Variants in CUL5 observed in about 807,000 individuals in gnomAD.
CUL5 encodes cullin 5.
A neutral mutation model predicts 108.8 loss-of-function variants in CUL5; 26 were observed. The observed-to-expected ratio is 0.24, with a 90% CI of 0.18 to 0.33. The LOEUF (loss-of-function observed/expected upper bound fraction) is 0.33. CUL5 is among the 10% of genes least tolerant of loss of function. CUL5 has a pLI of 1.00. For missense variants in CUL5, 524 were observed against 909.2 expected (o/e 0.58, Z 5.45); for synonymous variants, 334 against 298.0 (o/e 1.12, Z -1.25).
chr11:108,094,793 C>A lies in CUL5; in HGVS notation c.1568-19C>A. On this transcript the variant is annotated intron_variant, in intron 14 of 18. Coordinates refer to ENST00000393094, the MANE Select transcript of CUL5 (RefSeq NM_003478.6). Reference sequence around the variant, plus strand: ...TCCATTGTTAATTTACTTTATATTCCTGATATTCTTCTCTATAGCTGATTC... The same window carrying A: ...TCCATTGTTAATTTACTTTATATTCATGATATTCTTCTCTATAGCTGATTC... 6.6e-7 allele frequency: 1 copy of A among 1,515,678 alleles called. No homozygotes were observed. Among genetic ancestry groups the A allele is most frequent in the Non-Finnish European group, 8.9e-7 (1 of 1,127,528 alleles). The allele number at this position is 1,515,678 out of a possible 1,614,324, so 93.9% of individuals were successfully genotyped here.
chr11:108,022,427 C>T (rs953220715), intron 1 of CUL5, among the ~76,000 whole-genome samples: 2 of 152,124 alleles, frequency 1.3e-5, no homozygotes, highest in Non-Finnish European at 2.9e-5. Flanking sequence ...TATATATCTG[C>T]TCCTTTACTC....
chr11:108,095,475 T>G (rs189261929), intron 15 of CUL5, 55 bp from the exon 16 acceptor site: 2 of 1,208,632 alleles, frequency 1.7e-6, no homozygotes, highest in Non-Finnish European at 2.3e-6. Context: ...GTCATAGATA[T>G]TAAGAGAGAA....
At chr11:108,029,244 G>A (rs995037821) in intron 1 of CUL5, among the ~76,000 whole-genome samples, 32 of 152,178 alleles carry the variant, frequency 2.1e-4, no homozygotes, top group African/African-American at 7.5e-4. Context: ...TCAACTCCCT[G>A]TTGGCTTCCC....
At chr11:108,025,024 T>G (rs111730771) in intron 1 of CUL5, among the ~76,000 whole-genome samples, 1 of 152,218 alleles carries the variant, frequency 6.6e-6, no homozygotes, top group Non-Finnish European at 1.5e-5. Context: ...ATCTGTGGTT[T>G]ATAGTTTTTA....
chr11:108,037,667 G>T (rs146077067), intron 2 of CUL5, among the ~76,000 whole-genome samples: 23 of 152,244 alleles, frequency 1.5e-4, no homozygotes, highest in East Asian at 1.2e-3. Context: ...GCTAATTAGG[G>T]GCTCAGCACC....
At chr11:108,060,945 T>C (rs1208025023) in intron 7 of CUL5, among the ~76,000 whole-genome samples, 1 of 152,178 alleles carries the variant, frequency 6.6e-6, no homozygotes, top group African/African-American at 2.4e-5. Flanking sequence ...CTGCTGTGTT[T>C]TATAGCAGGC....
In CUL5 at chr11:108,085,849, A is replaced by G. The variant is rs1864209038; in HGVS notation, c.1179-2678A>G. On this transcript the variant is annotated intron_variant, in intron 11 of 18. Coordinates refer to ENST00000393094, the MANE Select transcript of CUL5 (RefSeq NM_003478.6). The stretch of plus-strand genomic sequence containing the variant: ...CAGGTGTGGGGTTTCTTTTTGGGGT[A>G]ATGAAAGTGTTCTAAAATTTTATTA... Among the ~76,000 whole-genome samples the G allele has an allele frequency of 2.0e-5, 3 of 152,170 alleles. No homozygotes were observed. In the South Asian group the frequency reaches 6.2e-4, roughly 32 times the overall value.
chr11:108,086,828 A>G (rs1169785160), intron 11 of CUL5, among the ~76,000 whole-genome samples: 3 of 152,198 alleles, frequency 2.0e-5, no homozygotes, highest in Non-Finnish European at 4.4e-5. Context: ...ATGGCCTAAG[A>G]CAGGAATATT....
At chr11:108,073,101 G>C (rs974208771) in intron 9 of CUL5, among the ~76,000 whole-genome samples, 5 of 151,686 alleles carry the variant, frequency 3.3e-5, no homozygotes, top group African/African-American at 1.2e-4. Context: ...ACTTGGGAGG[G>C]TGAGGCAGGA....
rs543415015 is a variant in CUL5, at chr11:108,065,797, G to GT, written c.781-4292dup. On this transcript the variant is annotated intron_variant, in intron 7 of 18. Coordinates refer to ENST00000393094, the MANE Select transcript of CUL5 (RefSeq NM_003478.6). The stretch of plus-strand genomic sequence containing the variant: ...CCTGATTTTTGGTTCTTATGAAGGT[G>GT]TTTTTTTGTGTGTAGATAGTTGTTA... Among the ~76,000 whole-genome samples the GT allele has an allele frequency of 3.3e-5, 5 of 152,252 alleles. No homozygotes were observed. The South Asian group carries it at 8.3e-4, about 25-fold the overall frequency.
Position 108,009,293 on chromosome 11 carries a change from T to G in CUL5, c.-56T>G. 1 of 1,606,730 alleles carries G rather than the reference T, an allele frequency of 6.2e-7. No individual in the cohort carries two copies. The highest frequency in any genetic ancestry group is 8.5e-7 in the Non-Finnish European group (1 of 1,174,706). ...GGAGCTCCGGCCTCCGGTCAAGGCCTGGCCGGGAGCGCCACGAATTCTCGC... is the reference window on the plus strand; with the variant it reads ...GGAGCTCCGGCCTCCGGTCAAGGCCGGGCCGGGAGCGCCACGAATTCTCGC... On this transcript the variant is annotated 5_prime_UTR_variant, in exon 1 of 19. Coordinates refer to ENST00000393094, the MANE Select transcript of CUL5 (RefSeq NM_003478.6).
intron 18 of CUL5, among the ~76,000 whole-genome samples, chr11:108,102,031 T>C (rs1169342369): frequency 3.9e-5 from 6 of 152,160 alleles, no homozygotes; most frequent in African/African-American, 1.4e-4. Context: ...GTTTATTTTA[T>C]TTTATTTTGA....
intron 1 of CUL5, among the ~76,000 whole-genome samples, chr11:108,017,669 G>A (rs975385031): frequency 1.2e-4 from 19 of 152,288 alleles, no homozygotes; most frequent in Non-Finnish European, 8.8e-5. Flanking sequence ...GGGCAACATA[G>A]TAAGACCTCA....
chr11:108,103,312 G>A (rs559407979), intron 18 of CUL5, among the ~76,000 whole-genome samples: 3 of 152,140 alleles, frequency 2.0e-5, no homozygotes, highest in East Asian at 3.9e-4. Context: ...TGTAATCCTA[G>A]CACTTTGGGA....
chr11:108,097,698 ACCC>A lies in CUL5; in HGVS notation c.1969_1971del (p.Pro657del), dbSNP rs1864534350. On this transcript the variant is annotated inframe_deletion, in exon 17 of 19. Coordinates refer to ENST00000393094, the MANE Select transcript of CUL5 (RefSeq NM_003478.6). Reference sequence around the variant, plus strand: ...TGTTGTATGAACCTCAAGTCAACTCACCCAAAGACTTTACAGAAGGTACCCTCT... The same window carrying A: ...TGTTGTATGAACCTCAAGTCAACTCAAAAGACTTTACAGAAGGTACCCTCT... 6.2e-7 allele frequency: 1 copy of A among 1,613,656 alleles called. No homozygotes were observed. Among genetic ancestry groups the A allele is most frequent in the Non-Finnish European group, 8.5e-7 (1 of 1,179,774 alleles).
chr11:108,030,001 G>A (rs980960961), intron 1 of CUL5, among the ~76,000 whole-genome samples: 2 of 152,120 alleles, frequency 1.3e-5, no homozygotes, highest in Non-Finnish European at 2.9e-5. Flanking sequence ...TTTTTTCCAT[G>A]TCAGTCAAGA....
At chr11:108,037,320 C>T (rs1233498350) in intron 2 of CUL5, among the ~76,000 whole-genome samples, 1 of 152,124 alleles carries the variant, frequency 6.6e-6, no homozygotes, top group Non-Finnish European at 1.5e-5. Flanking sequence ...GATTTTATAG[C>T]CACCCAAGCA....
chr11:108,070,004 T>G (rs564706475), intron 7 of CUL5, 92 bp from the exon 8 acceptor site: 18 of 753,420 alleles, frequency 2.4e-5, no homozygotes, highest in Middle Eastern at 2.9e-4. Context: ...TAATTTTTTT[T>G]TTGTTGAACA....
At chr11:108,072,285 T>A (rs1238758542) in intron 8 of CUL5, 47 bp from the exon 9 acceptor site, 2 of 1,459,486 alleles carry the variant, frequency 1.4e-6, no homozygotes, top group Admixed American at 2.0e-5. Flanking sequence ...TCTAAACTCT[T>A]ACTCTAGTAA....
Sources: allele counts gnomAD v4.1 joint callset (sites outside exome capture counted in the v4.1 genomes callset), GRCh38; gene constraint gnomAD v4.1.1; transcripts MANE v1.5; gene names NCBI Gene and HGNC (gene_info 2026-07-23, HGNC 2026-07-21).